Variants in DCLK3 observed in about 807,000 individuals in gnomAD.
DCLK3 encodes doublecortin like kinase 3, also known as serine/threonine-protein kinase DCLK3.
In DCLK3, 30 loss-of-function variants were observed where a neutral mutation model predicts 46.4. That is an observed-to-expected ratio of 0.65 (90% confidence interval 0.48 to 0.88). DCLK3 has a LOEUF of 0.88. Among genes scored for constraint, DCLK3 ranks in the 40% least tolerant of loss-of-function variants. DCLK3 has a pLI of 0.00. For synonymous variants in DCLK3, 401 were observed against 339.2 expected (o/e 1.18, Z -2.00); for missense variants, 846 against 907.1 (o/e 0.93, Z 0.87).
chr3:36,743,300 A>G (rs1269296663), intron 1 of DCLK3, among the ~76,000 whole-genome samples: 1 of 151,258 alleles, frequency 6.6e-6, no homozygotes, highest in African/African-American at 2.4e-5. Context: ...ACTCCTTGAA[A>G]TAAAAAAATA....
At chr3:36,739,347 T>C (rs751069140) in intron 1 of DCLK3, among the ~76,000 whole-genome samples, 6 of 152,174 alleles carry the variant, frequency 3.9e-5, no homozygotes, top group Non-Finnish European at 8.8e-5. Context: ...GGGCCACACC[T>C]CAGGAGCTGA....
intron 1 of DCLK3, among the ~76,000 whole-genome samples, chr3:36,749,300 T>C (rs997462122): frequency 1.3e-5 from 2 of 152,246 alleles, no homozygotes; most frequent in African/African-American, 4.8e-5. Context: ...TCCCTTCAGC[T>C]GACTGGATGC....
intron 2 of DCLK3, among the ~76,000 whole-genome samples, chr3:36,728,625 G>A (rs113393912): frequency 0.011 from 1,694 of 152,232 alleles, 36 homozygotes; most frequent in African/African-American, 0.039. Flanking sequence ...AGTAACCCCT[G>A]GGTTCTCAGG....
At chr3:36,732,622 T>C (rs563625537) in intron 2 of DCLK3, among the ~76,000 whole-genome samples, 2 of 152,362 alleles carry the variant, frequency 1.3e-5, no homozygotes, top group African/African-American at 2.4e-5. Flanking sequence ...TTTCATGTTA[T>C]TGCTGAAATT....
rs1575134046 is a variant in DCLK3 at position 36,718,165 on chromosome 3, T to C, written c.2105A>G (p.Glu702Gly). ...CACGCCAGCAGCCCACATGTCCACC[T>C]CCAGTCCATAACCTGCGCAGACAGA... The part of the protein sequence containing the change: ...EILSEKGYGL[E>G]VDMWAAGVIL... Residue 702 changes from glutamate to glycine, a missense_variant, in exon 4 of 5, where the codon GAG becomes GGG. Coordinates refer to ENST00000636136, the MANE Select transcript of DCLK3 (RefSeq NM_001394672.2). 2.5e-6 allele frequency: 4 copies of C among 1,613,922 alleles called. No individual in the cohort carries two copies. Among genetic ancestry groups the C allele is most frequent in the Non-Finnish European group, 3.4e-6 (4 of 1,180,004 alleles).
At chr3:36,742,764 A>T (rs1305305628) in intron 1 of DCLK3, among the ~76,000 whole-genome samples, 5 of 152,166 alleles carry the variant, frequency 3.3e-5, no homozygotes, top group Non-Finnish European at 7.4e-5. Flanking sequence ...AGGTAAGAGG[A>T]AAAAAATAAG....
chr3:36,750,793 C>A (rs936182635), intron 1 of DCLK3, among the ~76,000 whole-genome samples: 6 of 152,094 alleles, frequency 3.9e-5, no homozygotes, highest in Admixed American at 2.6e-4. Context: ...TTCCGCAGAT[C>A]GTGAATGTTT....
chr3:36,722,534 C>A (rs186270625), intron 2 of DCLK3, among the ~76,000 whole-genome samples: 1 of 152,254 alleles, frequency 6.6e-6, no homozygotes, highest in East Asian at 1.9e-4. Flanking sequence ...TGGCTGTGTC[C>A]CTACCCAAAT....
intron 2 of DCLK3, chr3:36,729,806 T>C (rs1701175065): frequency 6.6e-6 from 1 of 152,238 alleles, no homozygotes; most frequent in Non-Finnish European, 1.5e-5. Flanking sequence ...CTGTGAAGAA[T>C]GAAATGATCT....
At chr3:36,760,820 T>C (rs985351429) in intron 1 of DCLK3, among the ~76,000 whole-genome samples, 2 of 152,186 alleles carry the variant, frequency 1.3e-5, no homozygotes, top group Non-Finnish European at 2.9e-5. Context: ...AAAGGTAACT[T>C]TAATAACAAT....
intron 1 of DCLK3, among the ~76,000 whole-genome samples, chr3:36,753,234 C>T (rs941820236): frequency 6.6e-6 from 1 of 152,104 alleles, no homozygotes; most frequent in Non-Finnish European, 1.5e-5. Flanking sequence ...TAAAACTTTC[C>T]TTTTTTTCCC....
At chr3:36,742,977 A>G (rs1433013937) in intron 1 of DCLK3, among the ~76,000 whole-genome samples, 1 of 152,222 alleles carries the variant, frequency 6.6e-6, no homozygotes, top group Non-Finnish European at 1.5e-5. Flanking sequence ...GGCCTGCCCG[A>G]GTCCACTCAG....
Position 36,738,030 on chromosome 3 carries a change from G to A in DCLK3, c.1137C>T (p.Pro379=), listed in dbSNP as rs1051148841. 3 of 1,613,964 alleles carry A rather than the reference G, an allele frequency of 1.9e-6. No individual in the cohort carries two copies. Among genetic ancestry groups the A allele is most frequent in the Non-Finnish European group, 2.5e-6 (3 of 1,180,032 alleles). The change falls in exon 2 of 5, where the codon CCC becomes CCT. Residue 379 remains proline, a synonymous_variant. Coordinates refer to ENST00000636136, the MANE Select transcript of DCLK3 (RefSeq NM_001394672.2). ...TGCTGGGTCTCCTCAGCTCTTGAGT[G>A]GGATTCCTGGGGCTGCTCCTGTGGC... ...GDSHRSSPRN[P]TQELRRPSKS... is the part of the protein sequence containing the mutation.
chr3:36,717,011 A>G (rs1482436195), intron 4 of DCLK3, among the ~76,000 whole-genome samples: 6 of 152,154 alleles, frequency 3.9e-5, no homozygotes, highest in Non-Finnish European at 8.8e-5. Flanking sequence ...TCATCCTCCA[A>G]TCCCAGTGAG....
chr3:36,739,208 A>G (rs890893284), intron 1 of DCLK3, 124 bp from the exon 2 acceptor site: 1 of 396,048 alleles, frequency 2.5e-6, no homozygotes, highest in Non-Finnish European at 4.4e-6. Context: ...GGTTCCTGAG[A>G]GTCTGTTAGA....
intron 1 of DCLK3, among the ~76,000 whole-genome samples, chr3:36,753,673 T>TTTTA (rs1575147300): frequency 1.3e-5 from 2 of 152,108 alleles, no homozygotes; most frequent in Non-Finnish European, 2.9e-5. Flanking sequence ...CTTTATTTTA[T>TTTTA]TTTATTTATT....
At chr3:36,742,239 T>C (rs1317387522) in intron 1 of DCLK3, among the ~76,000 whole-genome samples, 1 of 152,116 alleles carries the variant, frequency 6.6e-6, no homozygotes, top group Admixed American at 6.5e-5. Flanking sequence ...CTGAGTGTGG[T>C]AATGGATGAC....
At chr3:36,734,282 A>G (rs1320239632) in intron 2 of DCLK3, among the ~76,000 whole-genome samples, 1 of 152,226 alleles carries the variant, frequency 6.6e-6, no homozygotes, top group African/African-American at 2.4e-5. Flanking sequence ...AAAAGCGCTG[A>G]CATCAGATAG....
At chr3:36,743,933 G>A (rs562125335) in intron 1 of DCLK3, among the ~76,000 whole-genome samples, 11 of 152,126 alleles carry the variant, frequency 7.2e-5, no homozygotes, top group African/African-American at 2.2e-4. Context: ...TCGTAAGTTC[G>A]CAGTGATAGC....
Sources: allele counts gnomAD v4.1 joint callset (sites outside exome capture counted in the v4.1 genomes callset), GRCh38; gene constraint gnomAD v4.1.1; transcripts MANE v1.5; gene names NCBI Gene and HGNC (gene_info 2026-07-23, HGNC 2026-07-21).